The following COPG1 variants were observed in gnomAD, a reference collection of about 807,000 sequenced individuals.
The protein encoded by COPG1 is coatomer subunit gamma-1.
COPG1 carries 29 observed loss-of-function variants against 102.8 expected under a neutral mutation model. The ratio of observed to expected loss-of-function variants is 0.28; its 90% CI spans 0.21 to 0.38. The LOEUF is 0.38. Ranked by LOEUF, COPG1 falls within the 10% of genes least tolerant of loss-of-function variation. The probability of loss-of-function intolerance (pLI) is 1.00; values close to 1 mark genes in which losing one functional copy is unlikely to be tolerated. For synonymous variants in COPG1, 406 were observed against 421.6 expected, an observed-to-expected ratio of 0.96 and a Z score of 0.45; for missense variants, 875 against 1,132.7, an observed-to-expected ratio of 0.77 and a Z score of 3.27.
rs2107677062 is a variant in COPG1 at position 129,265,728 on chromosome 3, T to G, written c.1404T>G (p.Asn468Lys). ...GCCAGGAGGGGCCCAAGACCACCAA[T>G]CCCTCAAAGTACATCCGCTTCATCT... The part of the protein sequence containing the change: ...LLGQEGPKTT[N>K]PSKYIRFIYN... The change falls in exon 14 of 24, where the codon AAT becomes AAG. Residue 468 changes from asparagine (N) to lysine (K), a missense_variant. Transcript: ENST00000314797. The G allele has an allele frequency of 6.2e-7, 1 of 1,614,068 alleles. No homozygotes were observed. Among genetic ancestry groups the G allele is most frequent in the East Asian group, 2.2e-5 (1 of 44,878 alleles).
chr3:129,272,761 C>T, intron 20 of COPG1, 46 bp from the exon 21 acceptor site: 1 of 1,306,428 alleles, frequency 7.7e-7, no homozygotes, highest in South Asian at 1.2e-5. Context: ...AGCCCATCCC[C>T]TGCAGGCTGG....
intron 23 of COPG1, among the ~76,000 whole-genome samples, chr3:129,276,969 G>A (rs1341135900): frequency 3.3e-5 from 5 of 151,752 alleles, no homozygotes; most frequent in East Asian, 1.9e-4. Flanking sequence ...GATTACAGGC[G>A]TCCACCACCA....
chr3:129,258,698 C>T (rs993000152), intron 10 of COPG1, among the ~76,000 whole-genome samples: 3 of 152,158 alleles, frequency 2.0e-5, no homozygotes, highest in African/African-American at 4.8e-5. Flanking sequence ...CCTCATGATC[C>T]GCCCGCCTCG....
intron 2 of COPG1, among the ~76,000 whole-genome samples, chr3:129,251,595 CA>C (rs1312708279): frequency 6.6e-6 from 1 of 151,626 alleles, no homozygotes; most frequent in East Asian, 1.9e-4. Context: ...GTTGGCCAGG[CA>C]GGAGAATGGT....
Position 129,257,564 on chromosome 3 carries a change from C to T in COPG1, c.674C>T (p.Ser225Phe), listed in dbSNP as rs765620316. 1.9e-6 allele frequency: 3 copies of T among 1,614,116 alleles called. No homozygotes were observed. The highest frequency in any genetic ancestry group is 3.3e-5 in the Admixed American group (2 of 59,996). ...ISKVTRHGLK[S>F]PFAYCMMIRV... ...AAGGTCACACGGCATGGCCTTAAGT[C>T]TCCCTTTGCCTACTGCATGATGATC... The change falls in exon 9 of 24, where the codon TCT becomes TTT. Residue 225 changes from serine to phenylalanine, a missense_variant. Ser to Phe is a radical substitution (Grantham distance 155, BLOSUM62 -2). Coordinates refer to ENST00000314797, the MANE Select transcript of COPG1 (RefSeq NM_016128.4).
At chr3:129,272,191 A>G (rs774629734) in intron 19 of COPG1, 53 bp from the exon 20 acceptor site, 1 of 1,529,126 alleles carries the variant, frequency 6.5e-7, no homozygotes, top group East Asian at 2.3e-5. Flanking sequence ...TTTCCTCTGC[A>G]GCATGGCTCG....
intron 20 of COPG1, 138 bp downstream of exon 20, chr3:129,272,553 G>A: frequency 1.3e-6 from 1 of 765,664 alleles, no homozygotes; most frequent in Non-Finnish European, 2.1e-6. Context: ...AAGAATAGCT[G>A]AGTCCCAAGT....
intron 10 of COPG1, among the ~76,000 whole-genome samples, chr3:129,258,438 T>C (rs1268847433): frequency 2.0e-5 from 3 of 152,320 alleles, no homozygotes; most frequent in South Asian, 4.1e-4. Context: ...GCAACATGTT[T>C]GTTGTTTGCC....
At chr3:129,253,395 G>T (rs1417835282) in intron 5 of COPG1, among the ~76,000 whole-genome samples, 2 of 152,180 alleles carry the variant, frequency 1.3e-5, no homozygotes, top group Non-Finnish European at 2.9e-5. Flanking sequence ...TCCTGCCACA[G>T]TTTAAGGTTG....
At chr3:129,266,469 TA>T (rs2107677332) in intron 14 of COPG1, among the ~76,000 whole-genome samples, 1 of 152,108 alleles carries the variant, frequency 6.6e-6, no homozygotes, top group African/African-American at 2.4e-5. Context: ...GATGTTTAGC[TA>T]AAAAACAAAA....
intron 1 of COPG1, among the ~76,000 whole-genome samples, chr3:129,250,239 C>T (rs1270010122): frequency 3.3e-5 from 5 of 152,170 alleles, no homozygotes; most frequent in Non-Finnish European, 7.3e-5. Flanking sequence ...AAGTGGGACA[C>T]TCAGTGCCTG....
intron 5 of COPG1, among the ~76,000 whole-genome samples, chr3:129,254,032 C>G (rs184486800): frequency 1.4e-5 from 2 of 147,782 alleles, no homozygotes; most frequent in East Asian, 4.0e-4. Flanking sequence ...GGAGTGATGG[C>G]TCATGCCTGT....
rs539574310 is a variant in COPG1 at position 129,268,169 on chromosome 3, T to C, written c.1648+129T>C. 4.1e-5 allele frequency: 32 copies of C among 784,456 alleles called. No homozygotes were observed. In the African/African-American group the frequency reaches 4.8e-4, roughly 12 times the overall value. 48.6% of individuals were successfully genotyped at this position (784,456 alleles called of 1,614,324 possible). On this transcript the variant is annotated intron_variant, in intron 16 of 23. Coordinates refer to ENST00000314797, the MANE Select transcript of COPG1 (RefSeq NM_016128.4). Reference sequence around the variant, plus strand: ...CTTGCCTGGCAACCTCATGGCATCATGGTGACCTCAGGAGGTCCCGGGTCA... The same window carrying C: ...CTTGCCTGGCAACCTCATGGCATCACGGTGACCTCAGGAGGTCCCGGGTCA...
At chr3:129,252,498 C>T (rs1185516033) in intron 3 of COPG1, 125 bp from the exon 4 acceptor site, 2 of 1,023,426 alleles carry the variant, frequency 2.0e-6, no homozygotes, top group Admixed American at 3.7e-5. Context: ...GTCCCCTCAG[C>T]ATCCAAGTCT....
Position 129,268,579 on chromosome 3 carries a change from C to G in COPG1, c.1733C>G (p.Ser578Cys). ...EPSEKPFDLKSVPLATAPMAE... is the reference protein window; with the variant it reads ...EPSEKPFDLKCVPLATAPMAE... ...TCAGAAAAACCTTTTGACCTCAAGT[C>G]TGTGCCCCTGGCCACGGCGCCCATG... The change falls in exon 17 of 24, where the codon TCT (serine) becomes TGT (cysteine). Residue 578 changes from serine (S) to cysteine (C), a missense_variant. Ser to Cys is a moderately radical substitution (Grantham distance 112). Coordinates refer to ENST00000314797, the MANE Select transcript of COPG1 (RefSeq NM_016128.4). 6.2e-7 allele frequency: 1 copy of G among 1,614,218 alleles called. No individual in the cohort carries two copies. Among genetic ancestry groups the G allele is most frequent in the East Asian group, 2.2e-5 (1 of 44,884 alleles).
In COPG1 at chr3:129,275,259, G is replaced by C; in HGVS notation, c.2461G>C (p.Asp821His). Residue 821 changes from aspartate to histidine, a missense_variant, in exon 23 of 24, where the codon GAT (aspartate) becomes CAT (histidine). By Grantham distance (81) the Asp-to-His change is moderately conservative. Coordinates refer to ENST00000314797, the MANE Select transcript of COPG1 (RefSeq NM_016128.4). The surrounding 1 kb of genome is among the most constrained non-coding windows in gnomAD (Gnocchi z 5.0). ...HPCERSDKVPDNKNTHTLLLA... is the reference protein window; with the variant it reads ...HPCERSDKVPHNKNTHTLLLA... The stretch of plus-strand genomic sequence containing the variant: ...TTGTGAGAGGTCAGACAAAGTGCCG[G>C]ATAACAAGAACACCCACACGTTGCT... 6.2e-7 allele frequency: 1 copy of C among 1,614,150 alleles called. No individual in the cohort carries two copies. The highest frequency in any genetic ancestry group is 2.2e-5 in the East Asian group (1 of 44,888).
At position 129,250,315 on chromosome 3, in the gene COPG1, G is replaced by C. The variant is rs72981116; in HGVS notation, c.38-367G>C. Reference sequence around the variant, plus strand: ...GCAGACATCAACCAGATAATCACACGTGTAATTATTTGCAAATGTGTCATC... The same window carrying C: ...GCAGACATCAACCAGATAATCACACCTGTAATTATTTGCAAATGTGTCATC... On this transcript the variant is annotated intron_variant, in intron 1 of 23. Transcript: ENST00000314797. 7.5e-3 allele frequency among the ~76,000 whole-genome samples: 1,144 copies of C among 152,310 alleles called. 17 individuals carry two copies. The highest frequency in any genetic ancestry group is 0.024 in the African/African-American group (1,014 of 41,558).
Position 129,268,618 on chromosome 3 carries a change from C to T in COPG1, c.1772C>T (p.Thr591Ile), listed in dbSNP as rs755013548. ...LATAPMAEQR[T>I]ESTPITAVKQ... ...ACGGCGCCCATGGCAGAGCAGAGAA[C>T]AGGTAACACTTATACTCCTCCCAGA... The change falls in exon 17 of 24, where the codon ACA becomes ATA. Residue 591 changes from threonine to isoleucine, a missense_variant and splice_region_variant. Physicochemically the swap from Thr to Ile is moderately conservative, Grantham distance 89. Coordinates refer to ENST00000314797, the MANE Select transcript of COPG1 (RefSeq NM_016128.4). 5.4e-5 allele frequency: 87 copies of T among 1,613,928 alleles called. No homozygotes were observed. The highest frequency in any genetic ancestry group is 6.9e-5 in the Non-Finnish European group (82 of 1,179,962).
At chr3:129,261,987 C>G (rs1939934815) in intron 12 of COPG1, among the ~76,000 whole-genome samples, 1 of 152,156 alleles carries the variant, frequency 6.6e-6, no homozygotes, top group South Asian at 2.1e-4. Context: ...TTAATCAGAG[C>G]AAACAATAAT....
Sources: gnomAD v4.1 joint callset for allele counts (sites outside exome capture counted in the v4.1 genomes callset) on GRCh38, gnomAD v4.1.1 for gene constraint, Gnocchi (gnomAD v3.1) non-coding constraint, MANE v1.5 for transcripts, NCBI Gene and HGNC (gene_info 2026-07-23, HGNC 2026-07-21) for gene names.